Variants in GRID2 observed in about 807,000 individuals in gnomAD.
GRID2 encodes the protein glutamate receptor ionotropic, delta-2.
GRID2 carries 33 observed loss-of-function variants against 114.8 expected under a neutral mutation model. That is an observed-to-expected ratio of 0.29 (90% confidence interval 0.22 to 0.38). GRID2 has a LOEUF of 0.38. GRID2 is among the 10% of genes least tolerant of loss of function. GRID2 has a pLI of 1.00. For missense variants in GRID2, 1,184 were observed against 1,257.7 expected, an observed-to-expected ratio of 0.94 and a Z score of 0.89; for synonymous variants, 505 against 449.9, an observed-to-expected ratio of 1.12 and a Z score of -1.55.
chr4:93,585,602 T>C (rs1192309576), intron 13 of GRID2, among the ~76,000 whole-genome samples: 1 of 152,110 alleles, frequency 6.6e-6, no homozygotes, highest in Non-Finnish European at 1.5e-5. Flanking sequence ...GTGCAAAGCA[T>C]TAATCATTTC....
Position 92,596,616 on chromosome 4 carries a change from A to C in GRID2, c.244+6330A>C, listed in dbSNP as rs112673931. Among the ~76,000 whole-genome samples, 38 of 152,030 alleles carry C rather than the reference A, an allele frequency of 2.5e-4. 1 individual carries two copies. Among genetic ancestry groups the C allele is most frequent in the African/African-American group, 7.7e-4 (32 of 41,498 alleles). On this transcript the variant is annotated intron_variant, in intron 2 of 15. Coordinates refer to ENST00000282020, the MANE Select transcript of GRID2 (RefSeq NM_001510.4). ...GGAATTAGAATCTATCTTATGTGTGATCTTTAGTGTCCATCATCAATGTAG... is the reference window on the plus strand; with the variant it reads ...GGAATTAGAATCTATCTTATGTGTGCTCTTTAGTGTCCATCATCAATGTAG...
At chr4:93,084,892 GCTAT>G in intron 2 of GRID2, 99 bp from the exon 3 acceptor site, 1 of 766,332 alleles carries the variant, frequency 1.3e-6, no homozygotes, top group African/African-American at 1.7e-5. Flanking sequence ...CATTTTCATA[GCTAT>G]ATAAAAAATC....
At chr4:93,293,610 A>G (rs1283933153) in intron 8 of GRID2, among the ~76,000 whole-genome samples, 1 of 152,182 alleles carries the variant, frequency 6.6e-6, no homozygotes, top group Non-Finnish European at 1.5e-5. Context: ...TATTGAAAAA[A>G]AAAAATGCCT....
chr4:93,579,704 C>A (rs913376384), intron 13 of GRID2, among the ~76,000 whole-genome samples: 2 of 152,102 alleles, frequency 1.3e-5, no homozygotes, highest in Admixed American at 6.5e-5. Context: ...CTCAGTGAGC[C>A]TGCATTTGTT....
At chr4:93,508,200 ATTTT>A (rs147557747) in intron 12 of GRID2, among the ~76,000 whole-genome samples, 7 of 140,392 alleles carry the variant, frequency 5.0e-5, no homozygotes, top group Non-Finnish European at 6.1e-5. Context: ...TTTGTTTTTG[ATTTT>A]TTTTTTTTTT....
At chr4:93,298,843 T>C (rs1047327893) in intron 8 of GRID2, among the ~76,000 whole-genome samples, 7 of 152,252 alleles carry the variant, frequency 4.6e-5, no homozygotes, top group Admixed American at 2.0e-4. Context: ...TTATCTAAGA[T>C]TCTTTGAAGA....
In GRID2 at chr4:93,081,572, G is replaced by A. The variant is rs537504136; in HGVS notation, c.245-3423G>A. ...GTGCAGGCTCCAAACATCTTTGGTA[G>A]TGACAGAATCTCAAACAACTGGAGT... On this transcript the variant is annotated intron_variant, in intron 2 of 15. Transcript: ENST00000282020. Among the ~76,000 whole-genome samples the A allele has an allele frequency of 3.3e-5, 5 of 152,238 alleles. No homozygotes were observed. The East Asian group carries it at 9.7e-4, about 29-fold the overall frequency.
chr4:93,152,938 G>A (rs1736862978), intron 4 of GRID2, among the ~76,000 whole-genome samples: 1 of 152,066 alleles, frequency 6.6e-6, no homozygotes, highest in African/African-American at 2.4e-5. Flanking sequence ...ATGTTTATCA[G>A]TGTTTACTTG....
intron 14 of GRID2, among the ~76,000 whole-genome samples, chr4:93,673,616 T>C (rs1724609172): frequency 6.6e-6 from 1 of 152,236 alleles, no homozygotes; most frequent in Non-Finnish European, 1.5e-5. Flanking sequence ...TTCCAAATGA[T>C]TCTAATGAAT....
intron 2 of GRID2, among the ~76,000 whole-genome samples, chr4:92,738,610 A>T (rs748351944): frequency 3.3e-5 from 5 of 152,114 alleles, no homozygotes; most frequent in Non-Finnish European, 5.9e-5. Context: ...CTTTTTGCTT[A>T]TAAAAAGTAG....
At chr4:92,880,744 T>C (rs553897553) in intron 2 of GRID2, among the ~76,000 whole-genome samples, 15 of 152,138 alleles carry the variant, frequency 9.9e-5, no homozygotes, top group African/African-American at 2.9e-4. Context: ...ATTTTGGACA[T>C]AATTTTGCTC....
At chr4:92,952,832 A>G (rs1249643437) in intron 2 of GRID2, among the ~76,000 whole-genome samples, 2 of 152,218 alleles carry the variant, frequency 1.3e-5, no homozygotes, top group Admixed American at 6.5e-5. Flanking sequence ...ACAATATCAC[A>G]AATGGAGTGG....
intron 2 of GRID2, among the ~76,000 whole-genome samples, chr4:92,979,164 T>G (rs754400083): frequency 6.6e-6 from 1 of 152,128 alleles, no homozygotes; most frequent in Non-Finnish European, 1.5e-5. Flanking sequence ...ATATTCCAGA[T>G]TTGAAGGCAT....
Position 93,121,600 on chromosome 4 carries a change from T to A in GRID2, c.735+10647T>A, listed in dbSNP as rs149991965. Among the ~76,000 whole-genome samples the A allele has an allele frequency of 2.0e-3, 306 of 152,284 alleles. 1 individual carries two copies. Among genetic ancestry groups the A allele is most frequent in the Non-Finnish European group, 3.4e-3 (233 of 68,004 alleles). Reference sequence around the variant, plus strand: ...CAGTTTTGCTCATTACAGATAGGGGTTCTATATACATCTTTTTGGATATGT... The same window carrying A: ...CAGTTTTGCTCATTACAGATAGGGGATCTATATACATCTTTTTGGATATGT... On this transcript the variant is annotated intron_variant, in intron 4 of 15. Coordinates refer to ENST00000282020, the MANE Select transcript of GRID2 (RefSeq NM_001510.4).
intron 4 of GRID2, among the ~76,000 whole-genome samples, chr4:93,187,432 C>T (rs1356539439): frequency 2.0e-5 from 3 of 152,068 alleles, no homozygotes; most frequent in Non-Finnish European, 1.5e-5. Context: ...TGTGCCACCA[C>T]ACCCAACTAA....
At chr4:92,749,891 C>T (rs1315629884) in intron 2 of GRID2, among the ~76,000 whole-genome samples, 1 of 151,712 alleles carries the variant, frequency 6.6e-6, no homozygotes, top group Non-Finnish European at 1.5e-5. Flanking sequence ...GAGACAATTT[C>T]GCTCTTGTTG....
chr4:93,271,690 G>C (rs1196174070), intron 8 of GRID2, among the ~76,000 whole-genome samples: 1 of 152,134 alleles, frequency 6.6e-6, no homozygotes, highest in African/African-American at 2.4e-5. Context: ...CATAGGACCT[G>C]TCTAAATTTT....
chr4:92,602,773 T>A (rs934253792), intron 2 of GRID2, among the ~76,000 whole-genome samples: 1 of 152,200 alleles, frequency 6.6e-6, no homozygotes, highest in Non-Finnish European at 1.5e-5. Context: ...TGTCTCTGTT[T>A]GTAGATGACA....
chr4:93,107,958 A>G (rs773575662), intron 3 of GRID2, among the ~76,000 whole-genome samples: 1 of 152,150 alleles, frequency 6.6e-6, no homozygotes, highest in Non-Finnish European at 1.5e-5. Flanking sequence ...TGTCTCACAG[A>G]GATCTACATA....
Sources: gnomAD v4.1 joint callset for allele counts (sites outside exome capture counted in the v4.1 genomes callset) on GRCh38, gnomAD v4.1.1 for gene constraint, MANE v1.5 for transcripts, NCBI Gene and HGNC (gene_info 2026-07-23, HGNC 2026-07-21) for gene names.